AGAP1: variants seen among roughly 807,000 people sequenced by gnomAD.
The protein encoded by AGAP1 is arf-GAP with GTPase, ANK repeat and PH domain-containing protein 1.
Under a neutral mutation model 105.3 loss-of-function variants are expected in AGAP1, and 29 were observed. The ratio of observed to expected loss-of-function variants is 0.28; its 90% CI spans 0.21 to 0.38. The LOEUF (loss-of-function observed/expected upper bound fraction) is 0.38. AGAP1 is among the 10% of genes least tolerant of loss of function. The probability of loss-of-function intolerance (pLI) is 1.00; values close to 1 mark genes in which losing one functional copy is unlikely to be tolerated. For missense variants in AGAP1, 998 were observed against 1,165.1 expected, an observed-to-expected ratio of 0.86 and a Z score of 2.09; for synonymous variants, 509 against 485.9, an observed-to-expected ratio of 1.05 and a Z score of -0.63.
intron 16 of AGAP1, among the ~76,000 whole-genome samples, chr2:236,074,632 A>G (rs889370755): frequency 2.0e-5 from 3 of 152,126 alleles, no homozygotes; most frequent in Non-Finnish European, 2.9e-5. Flanking sequence ...GTTACGAAAC[A>G]TTTATTGAAT....
chr2:236,123,766 C>T lies in AGAP1; in HGVS notation c.2371-153C>T, dbSNP rs1251918831. On this transcript the variant is annotated intron_variant, in intron 17 of 17. Transcript: ENST00000304032. The surrounding 1 kb of genome is among the most constrained non-coding windows in gnomAD (Gnocchi z 4.6). ...CTGGCCACGGGTGCAGGCTGTGCCACCAGCACTGGATGGTCCTGGCACCCC... is the reference window on the plus strand; with the variant it reads ...CTGGCCACGGGTGCAGGCTGTGCCATCAGCACTGGATGGTCCTGGCACCCC... 6.6e-6 allele frequency among the ~76,000 whole-genome samples: 1 copy of T among 152,184 alleles called. No homozygotes were observed. The highest frequency in any genetic ancestry group is 6.5e-5 in the Admixed American group (1 of 15,288).
At position 236,020,703 on chromosome 2, in the gene AGAP1, C is replaced by G. The variant is rs191872552; in HGVS notation, c.1646-15858C>G. Among the ~76,000 whole-genome samples, 1 of 152,170 alleles carries G rather than the reference C, an allele frequency of 6.6e-6. No individual in the cohort carries two copies. The highest frequency in any genetic ancestry group is 1.5e-5 in the Non-Finnish European group (1 of 68,034). On this transcript the variant is annotated intron_variant, in intron 13 of 17. Coordinates refer to ENST00000304032, the MANE Select transcript of AGAP1 (RefSeq NM_001037131.3). This position sits in a 1 kb window ranked among gnomAD's most constrained non-coding sequence, Gnocchi z 5.0. Reference sequence around the variant, plus strand: ...GAGCTGGGCACATAGGGAAGCTGGCCGCCGTGGCTGCTATTAAATTGCTAT... The same window carrying G: ...GAGCTGGGCACATAGGGAAGCTGGCGGCCGTGGCTGCTATTAAATTGCTAT...
At chr2:235,802,720 GGTT>G (rs1269654320) in intron 8 of AGAP1, among the ~76,000 whole-genome samples, 2 of 148,758 alleles carry the variant, frequency 1.3e-5, no homozygotes, top group Non-Finnish European at 3.0e-5. Context: ...TGATGGTTGT[GGTT>G]GTGATGGTGA....
chr2:236,099,738 A>C (rs1470930303), intron 16 of AGAP1, among the ~76,000 whole-genome samples: 1 of 151,836 alleles, frequency 6.6e-6, no homozygotes, highest in Non-Finnish European at 1.5e-5. Context: ...GGCCCATTTC[A>C]ATTTTTATCA....
In AGAP1 at chr2:235,915,220, G is replaced by A. The variant is rs550023694; in HGVS notation, c.1324+6314G>A. ...CTCTTATTCATAGATAATGGACAACGAAGGTGTTTGTGGGAACCAACAGTA... is the reference window on the plus strand; with the variant it reads ...CTCTTATTCATAGATAATGGACAACAAAGGTGTTTGTGGGAACCAACAGTA... On this transcript the variant is annotated intron_variant, in intron 11 of 17. Transcript: ENST00000304032. Among the ~76,000 whole-genome samples the A allele has an allele frequency of 8.5e-5, 13 of 152,290 alleles. No individual in the cohort carries two copies. In the South Asian group the frequency reaches 2.1e-3, roughly 24 times the overall value.
intron 1 of AGAP1, among the ~76,000 whole-genome samples, chr2:235,693,683 G>A (rs374850122): frequency 7.2e-5 from 11 of 152,120 alleles, no homozygotes; most frequent in African/African-American, 1.7e-4. Flanking sequence ...GTGAGGCCTC[G>A]TCTCCAAAAA....
rs1037268718 is a variant in AGAP1, at chr2:235,577,484, G to C, written c.163+82635G>C. Among the ~76,000 whole-genome samples the C allele has an allele frequency of 6.6e-6, 1 of 152,066 alleles. No homozygotes were observed. The highest frequency in any genetic ancestry group is 6.6e-5 in the Admixed American group (1 of 15,260). ...AGACACTGCCTCTCGCTGAATGCCT[G>C]CTTGGAGCAGAGTCCTGTGTTTGTT... On this transcript the variant is annotated intron_variant, in intron 1 of 17. Coordinates refer to ENST00000304032, the MANE Select transcript of AGAP1 (RefSeq NM_001037131.3). The surrounding 1 kb of genome is among the most constrained non-coding windows in gnomAD (Gnocchi z 4.5).
intron 1 of AGAP1, among the ~76,000 whole-genome samples, chr2:235,632,432 C>T (rs1038400185): frequency 3.3e-5 from 5 of 152,296 alleles, no homozygotes; most frequent in African/African-American, 9.6e-5. Context: ...GCCCCTGTTT[C>T]GCCACGTCCA....
intron 1 of AGAP1, among the ~76,000 whole-genome samples, chr2:235,594,289 G>C (rs58128866): frequency 6.7e-6 from 1 of 148,378 alleles, no homozygotes; most frequent in African/African-American, 2.5e-5. Context: ...GCATTCTGGG[G>C]TTTTTTTTTT....
At chr2:235,809,384 A>T (rs1206377073) in intron 9 of AGAP1, among the ~76,000 whole-genome samples, 1 of 152,178 alleles carries the variant, frequency 6.6e-6, no homozygotes, top group Non-Finnish European at 1.5e-5. Flanking sequence ...TCCTGGGCAC[A>T]GGGAGCTCCT....
In AGAP1 at chr2:235,867,289, AC is replaced by A. The variant is rs1475948965; in HGVS notation, c.1051-16054del. Among the ~76,000 whole-genome samples the A allele has an allele frequency of 2.0e-5, 3 of 152,124 alleles. No homozygotes were observed. Among genetic ancestry groups the A allele is most frequent in the Non-Finnish European group, 4.4e-5 (3 of 68,032 alleles). On this transcript the variant is annotated intron_variant, in intron 9 of 17. Coordinates refer to ENST00000304032, the MANE Select transcript of AGAP1 (RefSeq NM_001037131.3). The surrounding 1 kb of genome is among the most constrained non-coding windows in gnomAD (Gnocchi z 5.4). ...TGGGTCGTGTGGTTTCTCCTGAACT[AC>A]CTACCTCTCCCAGTTCAGGGCAAAT...
intron 1 of AGAP1, among the ~76,000 whole-genome samples, chr2:235,672,168 G>T (rs1948470956): frequency 6.6e-6 from 1 of 152,184 alleles, no homozygotes; most frequent in African/African-American, 2.4e-5. Flanking sequence ...ACCCACCTCT[G>T]GAGAGGGTAT....
In AGAP1 at chr2:235,936,538, G is replaced by A. The variant is rs746659342; in HGVS notation, c.1483+5615G>A. Reference sequence around the variant, plus strand: ...AGCTGTCTGTCCCACACTTACTTTCGGAGCCAATGCATTTGAACCACACTT... The same window carrying A: ...AGCTGTCTGTCCCACACTTACTTTCAGAGCCAATGCATTTGAACCACACTT... On this transcript the variant is annotated intron_variant, in intron 12 of 17. Coordinates refer to ENST00000304032, the MANE Select transcript of AGAP1 (RefSeq NM_001037131.3). The surrounding 1 kb of genome is among the most constrained non-coding windows in gnomAD (Gnocchi z 4.7). Among the ~76,000 whole-genome samples, 18 of 152,092 alleles carry A rather than the reference G, an allele frequency of 1.2e-4. No homozygotes were observed. Among genetic ancestry groups the A allele is most frequent in the Non-Finnish European group, 2.2e-4 (15 of 67,996 alleles).
At position 236,055,755 on chromosome 2, in the gene AGAP1, A is replaced by G. The variant is rs1405743209; in HGVS notation, c.2114+6474A>G. Among the ~76,000 whole-genome samples the G allele has an allele frequency of 2.0e-5, 3 of 152,248 alleles. No homozygotes were observed. Among genetic ancestry groups the G allele is most frequent in the African/African-American group, 7.2e-5 (3 of 41,464 alleles). ...ATACATCCTCGGCTATGCAAACGCAACAGCTGCTCAGGGACCTCAGCCCTT... is the reference window on the plus strand; with the variant it reads ...ATACATCCTCGGCTATGCAAACGCAGCAGCTGCTCAGGGACCTCAGCCCTT... On this transcript the variant is annotated intron_variant, in intron 16 of 17. Transcript: ENST00000304032. This position sits in a 1 kb window ranked among gnomAD's most constrained non-coding sequence, Gnocchi z 6.2.
In AGAP1 at chr2:236,014,726, T is replaced by C. The variant is rs1280249406; in HGVS notation, c.1646-21835T>C. On this transcript the variant is annotated intron_variant, in intron 13 of 17. Transcript: ENST00000304032. This position sits in a 1 kb window ranked among gnomAD's most constrained non-coding sequence, Gnocchi z 6.3. ...CACGTGCTACTTTGACCTTTTTTTT[T>C]CTCCCCTTTTCATTTGTTTTCTTTT... is the stretch of plus-strand genomic sequence containing the variant. 9 of 383,384 alleles carry C rather than the reference T, an allele frequency of 2.3e-5. No individual in the cohort carries two copies. The highest frequency in any genetic ancestry group is 3.7e-5 in the Non-Finnish European group (7 of 187,286). 23.7% of individuals were successfully genotyped at this position (383,384 alleles called of 1,614,324 possible). A position where few individuals can be genotyped will look rare whatever the true frequency, so the allele number is the denominator to read the frequency against.
At position 235,612,516 on chromosome 2, in the gene AGAP1, A is replaced by G. The variant is rs1361509582; in HGVS notation, c.164-96663A>G. 6.6e-6 allele frequency among the ~76,000 whole-genome samples: 1 copy of G among 152,214 alleles called. No homozygotes were observed. Among genetic ancestry groups the G allele is most frequent in the African/African-American group, 2.4e-5 (1 of 41,458 alleles). On this transcript the variant is annotated intron_variant, in intron 1 of 17. Coordinates refer to ENST00000304032, the MANE Select transcript of AGAP1 (RefSeq NM_001037131.3). This position sits in a 1 kb window ranked among gnomAD's most constrained non-coding sequence, Gnocchi z 4.3. ...TTTGCCTTTGTACTTATTCAAACTGACAAATACTTACTTAATAGCTGATTG... is the reference window on the plus strand; with the variant it reads ...TTTGCCTTTGTACTTATTCAAACTGGCAAATACTTACTTAATAGCTGATTG...
Position 235,779,618 on chromosome 2 carries a change from G to A in AGAP1, c.674-18141G>A, listed in dbSNP as rs538531406. Among the ~76,000 whole-genome samples, 11 of 152,302 alleles carry A rather than the reference G, an allele frequency of 7.2e-5. No homozygotes were observed. In the South Asian group the frequency reaches 1.7e-3, roughly 23 times the overall value. ...GCGGAGGCCACTAGATGGCAGTACC[G>A]CCCTGGCTAGAGGTGCCCTTGGGGC... On this transcript the variant is annotated intron_variant, in intron 6 of 17. Transcript: ENST00000304032.
chr2:235,718,512 A>C (rs1951229228), intron 3 of AGAP1: 1 of 665,698 alleles, frequency 1.5e-6, no homozygotes, highest in African/African-American at 2.0e-5. Context: ...GTTTTGTTTC[A>C]TTTTATCTTT....
rs909481371 is a variant in AGAP1 at position 235,874,900 on chromosome 2, C to G, written c.1051-8445C>G. Among the ~76,000 whole-genome samples the G allele has an allele frequency of 6.6e-6, 1 of 152,222 alleles. No homozygotes were observed. Among genetic ancestry groups the G allele is most frequent in the Non-Finnish European group, 1.5e-5 (1 of 68,034 alleles). On this transcript the variant is annotated intron_variant, in intron 9 of 17. Coordinates refer to ENST00000304032, the MANE Select transcript of AGAP1 (RefSeq NM_001037131.3). The surrounding 1 kb of genome is among the most constrained non-coding windows in gnomAD (Gnocchi z 4.5). ...AACTGGTACTAAAATACCCTCTTAT[C>G]AGAGAAATTGTCAATATCATGGCCC... is the stretch of plus-strand genomic sequence containing the variant.
Sources: gnomAD v4.1 joint callset for allele counts (sites outside exome capture counted in the v4.1 genomes callset) on GRCh38, gnomAD v4.1.1 for gene constraint, Gnocchi (gnomAD v3.1) non-coding constraint, MANE v1.5 for transcripts, NCBI Gene and HGNC (gene_info 2026-07-23, HGNC 2026-07-21) for gene names.